SLC1A2: variants seen among roughly 807,000 people sequenced by gnomAD.
SLC1A2 encodes the protein excitatory amino acid transporter 2.
A neutral mutation model predicts 48.8 loss-of-function variants in SLC1A2; 15 were observed. The ratio of observed to expected loss-of-function variants is 0.31; its 90% CI spans 0.21 to 0.47. SLC1A2 has a LOEUF of 0.47. Among genes scored for constraint, SLC1A2 ranks in the 20% least tolerant of loss-of-function variants. The probability of loss-of-function intolerance (pLI) is 0.99; values close to 1 mark genes in which losing one functional copy is unlikely to be tolerated. For missense variants in SLC1A2, 502 were observed against 730.5 expected, an observed-to-expected ratio of 0.69 and a Z score of 3.61; for synonymous variants, 279 against 272.6, an observed-to-expected ratio of 1.02 and a Z score of -0.23.
In SLC1A2 at chr11:35,258,928, G is replaced by C. The variant is rs1465166684; in HGVS notation, c.*1966C>G. On this transcript the variant is annotated 3_prime_UTR_variant, in exon 11 of 11. Transcript: ENST00000278379. ...CCACTGTACTCCAGCCTGAGCAACA[G>C]AGCAAGACTCTGTCTAAAAAAAAAA... 7.4e-6 allele frequency: 1 copy of C among 134,878 alleles called. No individual in the cohort carries two copies. The highest frequency in any genetic ancestry group is 1.5e-5 in the Non-Finnish European group (1 of 65,416). The allele number at this position is 134,878 out of a possible 1,614,324, so 8.4% of individuals were successfully genotyped here. A position where few individuals can be genotyped will look rare whatever the true frequency, so the allele number is the denominator to read the frequency against.
At chr11:35,399,484 T>C in intron 1 of SLC1A2, 1 of 250,906 alleles carries the variant, frequency 4.0e-6, no homozygotes, top group African/African-American at 2.3e-5. Flanking sequence ...AAATACAAAA[T>C]CTGGAGAGCC....
At position 35,280,935 on chromosome 11, in the gene SLC1A2, G is replaced by A. The variant is rs575419771; in HGVS notation, c.1353C>T (p.Leu451=). Residue 451 remains leucine, a synonymous_variant, in exon 9 of 11, where the codon CTC becomes CTT. Transcript: ENST00000278379. ...GCAGGCCCACGGCTGTCAGAATGAG[G>A]AGCATGGTGACCAGCCCGGCACTGG... ...SIPSAGLVTM[L]LILTAVGLPT... The A allele has an allele frequency of 6.4e-5, 103 of 1,613,380 alleles. 1 individual carries two copies. In the South Asian group the frequency reaches 1.0e-3, roughly 16 times the overall value.
chr11:35,416,209 G>C (rs1855600150), intron 1 of SLC1A2, among the ~76,000 whole-genome samples: 1 of 152,190 alleles, frequency 6.6e-6, no homozygotes, highest in African/African-American at 2.4e-5. Context: ...TCAATGCACA[G>C]GTTACAAAGA....
At chr11:35,297,137 C>A (rs552227302) in intron 6 of SLC1A2, among the ~76,000 whole-genome samples, 1 of 152,124 alleles carries the variant, frequency 6.6e-6, no homozygotes, top group Non-Finnish European at 1.5e-5. Context: ...GCTAAACCTT[C>A]CTTATAAAAT....
intron 1 of SLC1A2, among the ~76,000 whole-genome samples, chr11:35,389,215 C>A (rs1854682102): frequency 6.6e-6 from 1 of 152,150 alleles, no homozygotes; most frequent in Non-Finnish European, 1.5e-5. Context: ...ACCTCTTTAA[C>A]TTTTATTTCA....
chr11:35,377,990 C>A (rs1480751865), intron 1 of SLC1A2, among the ~76,000 whole-genome samples: 1 of 152,230 alleles, frequency 6.6e-6, no homozygotes, highest in Non-Finnish European at 1.5e-5. Flanking sequence ...CAAATGGAAG[C>A]AACATTGTGC....
At chr11:35,282,391 C>T (rs897204863) in intron 8 of SLC1A2, among the ~76,000 whole-genome samples, 7 of 152,154 alleles carry the variant, frequency 4.6e-5, no homozygotes, top group Non-Finnish European at 5.9e-5. Context: ...GCCTTGACTT[C>T]CTCATCTGTA....
At chr11:35,335,313 T>G (rs909120302) in intron 1 of SLC1A2, among the ~76,000 whole-genome samples, 1 of 152,206 alleles carries the variant, frequency 6.6e-6, no homozygotes, top group Admixed American at 6.5e-5. Context: ...TATTGAAAGC[T>G]ATATTTCCCC....
chr11:35,364,495 T>G (rs1001799935), intron 1 of SLC1A2, among the ~76,000 whole-genome samples: 2 of 152,246 alleles, frequency 1.3e-5, no homozygotes, highest in African/African-American at 4.8e-5. Flanking sequence ...AATGTAACTA[T>G]CTACCTAAAG....
intron 1 of SLC1A2, among the ~76,000 whole-genome samples, chr11:35,359,276 G>C (rs1436365787): frequency 2.0e-5 from 3 of 152,240 alleles, no homozygotes; most frequent in Non-Finnish European, 4.4e-5. Context: ...GAGGCTGAAA[G>C]TAGAGGACAT....
At chr11:35,315,268 A>G (rs776899547) in intron 2 of SLC1A2, 93 bp from the exon 3 acceptor site, 6 of 863,506 alleles carry the variant, frequency 6.9e-6, no homozygotes, top group Non-Finnish European at 1.1e-5. Context: ...GACCTTTCTC[A>G]TGCTTCTGCA....
intron 1 of SLC1A2, among the ~76,000 whole-genome samples, chr11:35,338,296 T>C (rs911185675): frequency 6.6e-6 from 1 of 152,208 alleles, no homozygotes; most frequent in African/African-American, 2.4e-5. Context: ...TTTTAGACCC[T>C]ACATAACAAA....
chr11:35,363,803 T>A (rs1467192516), intron 1 of SLC1A2, among the ~76,000 whole-genome samples: 2 of 152,182 alleles, frequency 1.3e-5, no homozygotes, highest in East Asian at 3.8e-4. Context: ...TACTTGGTAC[T>A]CAATAGGTGT....
At chr11:35,289,558 C>A (rs1321144254) in intron 7 of SLC1A2, among the ~76,000 whole-genome samples, 1 of 152,006 alleles carries the variant, frequency 6.6e-6, no homozygotes, top group African/African-American at 2.4e-5. Flanking sequence ...TTGGGCCATG[C>A]AAATCCCCTT....
At chr11:35,284,091 A>G (rs971571089) in intron 8 of SLC1A2, among the ~76,000 whole-genome samples, 2 of 140,668 alleles carry the variant, frequency 1.4e-5, no homozygotes, top group Admixed American at 7.3e-5. Flanking sequence ...ATTTTATTAT[A>G]TATATATATA....
At chr11:35,324,207 C>A (rs1852165303) in intron 1 of SLC1A2, among the ~76,000 whole-genome samples, 1 of 152,216 alleles carries the variant, frequency 6.6e-6, no homozygotes, top group Non-Finnish European at 1.5e-5. Flanking sequence ...TACACAGAAG[C>A]TGCAAAGACA....
intron 9 of SLC1A2, among the ~76,000 whole-genome samples, chr11:35,271,802 C>A (rs918428187): frequency 3.9e-5 from 6 of 152,132 alleles, no homozygotes; most frequent in Non-Finnish European, 7.3e-5. Context: ...ATGATAGCGC[C>A]ACTGCACTCC....
chr11:35,388,577 T>C (rs1854655287), intron 1 of SLC1A2, among the ~76,000 whole-genome samples: 1 of 152,174 alleles, frequency 6.6e-6, no homozygotes, highest in Non-Finnish European at 1.5e-5. Context: ...GTATTTTTTA[T>C]AGAGACAAAG....
intron 9 of SLC1A2, among the ~76,000 whole-genome samples, chr11:35,267,697 C>G (rs1267286329): frequency 1.3e-5 from 2 of 152,054 alleles, no homozygotes; most frequent in African/African-American, 4.8e-5. Flanking sequence ...TTCAATCCCT[C>G]CTGGAATGTA....
Sources: allele counts gnomAD v4.1 joint callset (sites outside exome capture counted in the v4.1 genomes callset), GRCh38; gene constraint gnomAD v4.1.1; transcripts MANE v1.5; gene names NCBI Gene and HGNC (gene_info 2026-07-23, HGNC 2026-07-21).